Variants in RNF144B observed in about 807,000 individuals in gnomAD.
The protein encoded by RNF144B is E3 ubiquitin-protein ligase RNF144B.
A neutral mutation model predicts 40.2 loss-of-function variants in RNF144B; 25 were observed. The observed-to-expected ratio is 0.62, with a 90% CI of 0.45 to 0.87. RNF144B has a LOEUF of 0.87. Ranked by LOEUF, RNF144B falls within the 40% of genes least tolerant of loss-of-function variation. RNF144B has a pLI of 0.00. For missense variants in RNF144B, 365 were observed against 373.7 expected, an observed-to-expected ratio of 0.98 and a Z score of 0.19; for synonymous variants, 145 against 136.3, an observed-to-expected ratio of 1.06 and a Z score of -0.44.
At chr6:18,461,647 C>T (rs577690584) in intron 6 of RNF144B, among the ~76,000 whole-genome samples, 1 of 152,216 alleles carries the variant, frequency 6.6e-6, no homozygotes, top group Non-Finnish European at 1.5e-5. Flanking sequence ...TGGCTGAATA[C>T]ACAGACTTCA....
chr6:18,449,908 A>G (rs575230509), intron 4 of RNF144B, among the ~76,000 whole-genome samples: 2 of 152,194 alleles, frequency 1.3e-5, no homozygotes. Context: ...CAATAAATGT[A>G]CTTTGAGCTC....
At chr6:18,449,625 A>G (rs1025454923) in intron 4 of RNF144B, among the ~76,000 whole-genome samples, 4 of 152,110 alleles carry the variant, frequency 2.6e-5, no homozygotes, top group South Asian at 4.1e-4. Context: ...CTTATGTGTT[A>G]ATCTATTTAA....
At position 18,457,457 on chromosome 6, in the gene RNF144B, G is replaced by A. The variant is rs1053966981; in HGVS notation, c.536+98G>A. On this transcript the variant is annotated intron_variant, in intron 5 of 7. Coordinates refer to ENST00000259939, the MANE Select transcript of RNF144B (RefSeq NM_182757.4). The surrounding 1 kb of genome is among the most constrained non-coding windows in gnomAD (Gnocchi z 5.1). Reference sequence around the variant, plus strand: ...AGGAGTTACGTTGTGATGGCGTTTAGAGATTGGTTATTTTCCTGCAGAACT... The same window carrying A: ...AGGAGTTACGTTGTGATGGCGTTTAAAGATTGGTTATTTTCCTGCAGAACT... 9.7e-6 allele frequency: 9 copies of A among 931,052 alleles called. 2 individuals carry two copies. In the Admixed American group the frequency reaches 1.6e-4, roughly 17 times the overall value. The allele number at this position is 931,052 out of a possible 1,614,324, so 57.7% of individuals were successfully genotyped here.
chr6:18,417,066 T>C (rs115772545), intron 2 of RNF144B, among the ~76,000 whole-genome samples: 1 of 152,142 alleles, frequency 6.6e-6, no homozygotes, highest in African/African-American at 2.4e-5. Flanking sequence ...AGTAGAAAAT[T>C]CTCTGAAAAC....
chr6:18,411,834 G>A (rs9367997), intron 2 of RNF144B, among the ~76,000 whole-genome samples: 16,229 of 151,972 alleles, frequency 0.11, 1,369 homozygotes, highest in East Asian at 0.32. Context: ...GTGTACTTAC[G>A]CACATCACTT....
chr6:18,435,822 T>A (rs1217256958), intron 3 of RNF144B, among the ~76,000 whole-genome samples: 1 of 135,868 alleles, frequency 7.4e-6, no homozygotes, highest in East Asian at 2.1e-4. Context: ...AATTGAACAA[T>A]GAGAACACAT....
At chr6:18,435,278 C>T (rs140942592) in intron 3 of RNF144B, among the ~76,000 whole-genome samples, 1 of 152,142 alleles carries the variant, frequency 6.6e-6, no homozygotes, top group African/African-American at 2.4e-5. Context: ...GGGTAGTGGT[C>T]TCTTGATAGC....
At chr6:18,390,245 G>C (rs1256920313) in intron 1 of RNF144B, among the ~76,000 whole-genome samples, 1 of 152,202 alleles carries the variant, frequency 6.6e-6, no homozygotes, top group Non-Finnish European at 1.5e-5. Flanking sequence ...TGACACCTAA[G>C]TTAATTTATG....
chr6:18,414,405 G>C lies in RNF144B; in HGVS notation c.166-13176G>C, dbSNP rs1308480746. On this transcript the variant is annotated intron_variant, in intron 2 of 7. Coordinates refer to ENST00000259939, the MANE Select transcript of RNF144B (RefSeq NM_182757.4). The surrounding 1 kb of genome is among the most constrained non-coding windows in gnomAD (Gnocchi z 4.9). The stretch of plus-strand genomic sequence containing the variant: ...TAAGCGTCACTCTTTCCCAACTTTT[G>C]GGTCATTAATATGAGCTATTTTGCA... Among the ~76,000 whole-genome samples the C allele has an allele frequency of 3.9e-5, 6 of 152,098 alleles. No individual in the cohort carries two copies. The East Asian group carries it at 1.2e-3, about 29-fold the overall frequency.
At chr6:18,415,172 G>A (rs1795125754) in intron 2 of RNF144B, among the ~76,000 whole-genome samples, 2 of 152,132 alleles carry the variant, frequency 1.3e-5, no homozygotes. Flanking sequence ...GTCCGTGGTT[G>A]GTTGAATCCA....
chr6:18,445,688 G>T (rs7759405), intron 4 of RNF144B, among the ~76,000 whole-genome samples: 69,262 of 151,776 alleles, frequency 0.46, 16,819 homozygotes, highest in Non-Finnish European at 0.55. Flanking sequence ...GACTTACAGG[G>T]CCCTGGTTTC....
chr6:18,410,034 T>C lies in RNF144B; in HGVS notation c.165+10335T>C, dbSNP rs1017372391. On this transcript the variant is annotated intron_variant, in intron 2 of 7. Coordinates refer to ENST00000259939, the MANE Select transcript of RNF144B (RefSeq NM_182757.4). The surrounding 1 kb of genome is among the most constrained non-coding windows in gnomAD (Gnocchi z 4.6). ...TGTGCTTGTATGTTGTGTAGACTTT[T>C]CCCCCCTTAAGCATGCCTTTGCCAA... Among the ~76,000 whole-genome samples the C allele has an allele frequency of 3.9e-5, 6 of 152,128 alleles. No individual in the cohort carries two copies. The highest frequency in any genetic ancestry group is 1.9e-4 in the East Asian group (1 of 5,188).
rs1554182747 is a variant in RNF144B at position 18,467,407 on chromosome 6, T to TTTTTG, written c.*2344_*2345insGTTTT. The TTTTTG allele has an allele frequency of 1.5e-5, 2 of 133,146 alleles. No individual in the cohort carries two copies. The highest frequency in any genetic ancestry group is 2.6e-5 in the African/African-American group (1 of 38,716). The allele number at this position is 133,146 out of a possible 1,614,324, so 8.2% of individuals were successfully genotyped here. A position where few individuals can be genotyped will look rare whatever the true frequency, so the allele number is the denominator to read the frequency against. ...ACTGAATTAGCTGCTTTTGTTTTTT[T>TTTTTG]TTTTTTTTTTTTGCCAGGGCTATGG... On this transcript the variant is annotated 3_prime_UTR_variant, in exon 8 of 8. Coordinates refer to ENST00000259939, the MANE Select transcript of RNF144B (RefSeq NM_182757.4).
chr6:18,409,802 T>C (rs1391547581), intron 2 of RNF144B, among the ~76,000 whole-genome samples: 3 of 152,090 alleles, frequency 2.0e-5, no homozygotes, highest in Non-Finnish European at 4.4e-5. Context: ...TGTCCTGACC[T>C]CAAGTGACCT....
chr6:18,411,035 A>C (rs1272468240), intron 2 of RNF144B, among the ~76,000 whole-genome samples: 1 of 146,740 alleles, frequency 6.8e-6, no homozygotes, highest in Non-Finnish European at 1.5e-5. Flanking sequence ...GCCAGGCTGG[A>C]GTGCAGTGGC....
Position 18,457,206 on chromosome 6 carries a change from C to G in RNF144B, c.383C>G (p.Thr128Arg), listed in dbSNP as rs778581986. 2 of 1,614,004 alleles carry G rather than the reference C, an allele frequency of 1.2e-6. No individual in the cohort carries two copies. The highest frequency in any genetic ancestry group is 1.3e-5 in the African/African-American group (1 of 74,912). ...TGGTGTCCTGTTGCAGACTGTCAGA[C>G]AGTGTGCCCTGTTGCCTCGAGTGAC... is the stretch of plus-strand genomic sequence containing the variant. ...RTWCPVADCQ[T>R]VCPVASSDPG... Residue 128 changes from threonine (T) to arginine (R), a missense_variant, in exon 5 of 8, where the codon ACA becomes AGA. Transcript: ENST00000259939. The surrounding 1 kb of genome is among the most constrained non-coding windows in gnomAD (Gnocchi z 5.1).
rs938740070 is a variant in RNF144B, at chr6:18,447,901, C to T, written c.331+8157C>T. On this transcript the variant is annotated intron_variant, in intron 4 of 7. Transcript: ENST00000259939. The surrounding 1 kb of genome is among the most constrained non-coding windows in gnomAD (Gnocchi z 5.6). The stretch of plus-strand genomic sequence containing the variant: ...GGCAAAGGAGATTGACAAAGGATGG[C>T]CAGAAATATGAATCCAGAAGGTGGG... Among the ~76,000 whole-genome samples, 1 of 152,034 alleles carries T rather than the reference C, an allele frequency of 6.6e-6. No individual in the cohort carries two copies. Among genetic ancestry groups the T allele is most frequent in the Non-Finnish European group, 1.5e-5 (1 of 68,010 alleles).
intron 2 of RNF144B, among the ~76,000 whole-genome samples, chr6:18,401,548 A>G (rs982550447): frequency 2.0e-5 from 3 of 152,208 alleles, no homozygotes; most frequent in Non-Finnish European, 4.4e-5. Flanking sequence ...GTATGATTAC[A>G]TTAGTGTCTG....
chr6:18,423,043 C>T (rs1216074948), intron 2 of RNF144B, among the ~76,000 whole-genome samples: 3 of 152,108 alleles, frequency 2.0e-5, no homozygotes, highest in Non-Finnish European at 4.4e-5. Flanking sequence ...CCTCATGAAG[C>T]TTTTCTAAGG....
Sources: allele counts gnomAD v4.1 joint callset (sites outside exome capture counted in the v4.1 genomes callset), GRCh38; gene constraint gnomAD v4.1.1; non-coding constraint Gnocchi (gnomAD v3.1); transcripts MANE v1.5; gene names NCBI Gene and HGNC (gene_info 2026-07-23, HGNC 2026-07-21).